KCND2: variants seen among roughly 807,000 people sequenced by gnomAD.
The protein encoded by KCND2 is A-type voltage-gated potassium channel KCND2.
In KCND2, 16 loss-of-function variants were observed where a neutral mutation model predicts 54.4. That is an observed-to-expected ratio of 0.29 (90% CI 0.20 to 0.45). The LOEUF (loss-of-function observed/expected upper bound fraction) is 0.45, where lower values mean the gene tolerates loss of function less well. Ranked by LOEUF, KCND2 falls within the 20% of genes least tolerant of loss-of-function variation. The pLI, the probability that KCND2 is intolerant of heterozygous loss-of-function variation, is 1.00. For missense variants in KCND2, 486 were observed against 824.2 expected, an observed-to-expected ratio of 0.59 and a Z score of 5.02; for synonymous variants, 317 against 310.7, an observed-to-expected ratio of 1.02 and a Z score of -0.21.
intron 4 of KCND2, among the ~76,000 whole-genome samples, chr7:120,745,055 C>T (rs1385877311): frequency 1.3e-5 from 2 of 151,984 alleles, no homozygotes; most frequent in African/African-American, 2.4e-5. Flanking sequence ...GGAAAAACCC[C>T]AAATGCATAC....
At position 120,741,607 on chromosome 7, in the gene KCND2, G is replaced by A; in HGVS notation, c.1352G>A (p.Gly451Asp). ...ANAYMQSKRNGLLSNQLQSSE... is the reference protein window; with the variant it reads ...ANAYMQSKRNDLLSNQLQSSE... ...GCTTACATGCAGAGCAAACGGAATGGTTTACTCAGTAATCAGCTGCAGGTA... is the reference window on the plus strand; with the variant it reads ...GCTTACATGCAGAGCAAACGGAATGATTTACTCAGTAATCAGCTGCAGGTA... Residue 451 changes from glycine to aspartate, a missense_variant, in exon 3 of 6, where the codon GGT becomes GAT. By Grantham distance (94) the Gly-to-Asp change is moderately conservative (BLOSUM62 -1). This residue lies in a region of KCND2 where 202 missense variants were observed against 252.7 expected (regional missense o/e 0.80). Coordinates refer to ENST00000331113, the MANE Select transcript of KCND2 (RefSeq NM_012281.3). The A allele has an allele frequency of 6.2e-7, 1 of 1,612,398 alleles. No homozygotes were observed. Among genetic ancestry groups the A allele is most frequent in the Non-Finnish European group, 8.5e-7 (1 of 1,178,714 alleles).
intron 1 of KCND2, among the ~76,000 whole-genome samples, chr7:120,701,207 T>G (rs1304984933): frequency 8.6e-6 from 1 of 116,192 alleles, no homozygotes; most frequent in Non-Finnish European, 1.7e-5. Flanking sequence ...CTAGCTGGAC[T>G]AATAACCTAG....
At chr7:120,563,116 A>C (rs888381915) in intron 1 of KCND2, among the ~76,000 whole-genome samples, 1 of 152,176 alleles carries the variant, frequency 6.6e-6, no homozygotes, top group Non-Finnish European at 1.5e-5. Context: ...AGAGGTTCTA[A>C]TGTTATTAAC....
intron 1 of KCND2, among the ~76,000 whole-genome samples, chr7:120,398,835 G>A (rs1801198294): frequency 6.6e-6 from 1 of 152,092 alleles, no homozygotes; most frequent in Non-Finnish European, 1.5e-5. Flanking sequence ...GACTAAAGTA[G>A]AGGAGAAACT....
chr7:120,556,840 G>T (rs1792172115), intron 1 of KCND2, among the ~76,000 whole-genome samples: 1 of 152,150 alleles, frequency 6.6e-6, no homozygotes, highest in Admixed American at 6.5e-5. Flanking sequence ...AATTTGTGAT[G>T]CATTAACATT....
At chr7:120,512,823 A>T (rs1298418765) in intron 1 of KCND2, among the ~76,000 whole-genome samples, 1 of 146,914 alleles carries the variant, frequency 6.8e-6, no homozygotes, top group Non-Finnish European at 1.5e-5. Flanking sequence ...TTTTGGAGAC[A>T]GATTCTTGCT....
chr7:120,675,855 C>CTTTTTTTTTTT, intron 1 of KCND2, among the ~76,000 whole-genome samples: 1 of 121,550 alleles, frequency 8.2e-6, no homozygotes, highest in Non-Finnish European at 1.7e-5. Context: ...TCTTTCTATT[C>CTTTTTTTTTTT]TTTTTTTTTT....
chr7:120,560,080 A>G (rs558440502), intron 1 of KCND2, among the ~76,000 whole-genome samples: 17 of 152,342 alleles, frequency 1.1e-4, no homozygotes, highest in African/African-American at 4.1e-4. Flanking sequence ...TTCATAAAAT[A>G]ATAATTTTAA....
intron 1 of KCND2, among the ~76,000 whole-genome samples, chr7:120,600,386 G>T (rs1252182512): frequency 1.3e-5 from 2 of 151,830 alleles, no homozygotes; most frequent in East Asian, 3.9e-4. Flanking sequence ...TAAACACAGT[G>T]CCATCAACTC....
At chr7:120,668,662 A>G (rs1791956505) in intron 1 of KCND2, among the ~76,000 whole-genome samples, 1 of 152,088 alleles carries the variant, frequency 6.6e-6, no homozygotes, top group South Asian at 2.1e-4. Context: ...TGCTGAATGA[A>G]TAGTACTCTG....
chr7:120,529,995 C>T (rs1287497951), intron 1 of KCND2, among the ~76,000 whole-genome samples: 1 of 151,860 alleles, frequency 6.6e-6, no homozygotes, highest in Non-Finnish European at 1.5e-5. Context: ...ATCGCTTGAC[C>T]CCAGGGGGTC....
At chr7:120,431,719 A>G (rs1801790614) in intron 1 of KCND2, among the ~76,000 whole-genome samples, 1 of 152,192 alleles carries the variant, frequency 6.6e-6, no homozygotes, top group East Asian at 1.9e-4. Flanking sequence ...TTGTACTTTT[A>G]CATTATCTAA....
At chr7:120,345,952 A>C (rs1015332843) in intron 1 of KCND2, among the ~76,000 whole-genome samples, 1 of 152,214 alleles carries the variant, frequency 6.6e-6, no homozygotes, top group Admixed American at 6.5e-5. Flanking sequence ...GCACCATTTC[A>C]CATTTCCAGC....
chr7:120,524,890 G>A (rs997654775), intron 1 of KCND2, among the ~76,000 whole-genome samples: 2 of 152,092 alleles, frequency 1.3e-5, no homozygotes, highest in Non-Finnish European at 2.9e-5. Flanking sequence ...GTCGGGATAG[G>A]AAAGATATTT....
chr7:120,336,563 A>G (rs1270525762), intron 1 of KCND2, among the ~76,000 whole-genome samples: 1 of 152,182 alleles, frequency 6.6e-6, no homozygotes, highest in Non-Finnish European at 1.5e-5. Context: ...TATTTTATAA[A>G]TGGATAAATA....
At chr7:120,287,333 A>G (rs1799360656) in intron 1 of KCND2, among the ~76,000 whole-genome samples, 1 of 152,088 alleles carries the variant, frequency 6.6e-6, no homozygotes, top group South Asian at 2.1e-4. Flanking sequence ...GATGTTTCTT[A>G]ATATAGACTG....
intron 1 of KCND2, among the ~76,000 whole-genome samples, chr7:120,554,522 C>G (rs1159858171): frequency 1.3e-5 from 2 of 152,094 alleles, no homozygotes; most frequent in Non-Finnish European, 2.9e-5. Flanking sequence ...CATTCTCCTG[C>G]CTCAGCCTCC....
chr7:120,525,270 A>G (rs1422759208), intron 1 of KCND2, among the ~76,000 whole-genome samples: 1 of 152,176 alleles, frequency 6.6e-6, no homozygotes, highest in African/African-American at 2.4e-5. Context: ...AGAGGCTTTA[A>G]TGTTTGGAGC....
At chr7:120,423,581 G>T (rs114304157) in intron 1 of KCND2, among the ~76,000 whole-genome samples, 1 of 152,158 alleles carries the variant, frequency 6.6e-6, no homozygotes, top group Admixed American at 6.5e-5. Context: ...TGTGTATCGT[G>T]TCTCTGAATG....
Sources: gnomAD v4.1 joint callset for allele counts (sites outside exome capture counted in the v4.1 genomes callset) on GRCh38, gnomAD v4.1.1 for gene constraint, gnomAD v4.1.1 regional missense constraint, MANE v1.5 for transcripts, NCBI Gene and HGNC (gene_info 2026-07-23, HGNC 2026-07-21) for gene names.